UHRF1: variants seen among roughly 807,000 people sequenced by gnomAD.
The protein encoded by UHRF1 is E3 ubiquitin-protein ligase UHRF1.
Under a neutral mutation model 96.5 loss-of-function variants are expected in UHRF1, and 9 were observed. The ratio of observed to expected loss-of-function variants is 0.09; its 90% CI spans 0.06 to 0.16. The LOEUF (loss-of-function observed/expected upper bound fraction) is 0.16, where lower values mean the gene tolerates loss of function less well. Among genes scored for constraint, UHRF1 ranks in the 10% least tolerant of loss-of-function variants. The pLI, the probability that UHRF1 is intolerant of heterozygous loss-of-function variation, is 1.00. For synonymous variants in UHRF1, 455 were observed against 469.9 expected (o/e 0.97, Z 0.41); for missense variants, 626 against 1,131.1 (o/e 0.55, Z 6.40).
intron 5 of UHRF1, among the ~76,000 whole-genome samples, chr19:4,934,645 G>A (rs1032733447): frequency 6.6e-6 from 1 of 152,154 alleles, no homozygotes; most frequent in African/African-American, 2.4e-5. Context: ...CCTCCTTTTT[G>A]TGGCCGAGTG....
chr19:4,909,211 G>C, upstream of UHRF1: 1 of 483,032 alleles, frequency 2.1e-6, no homozygotes, highest in Non-Finnish European at 3.7e-6. Flanking sequence ...AGTTCAGGGG[G>C]TCTGTACCCT....
intron 8 of UHRF1, 41 bp downstream of exon 8, chr19:4,944,296 C>T: frequency 6.2e-7 from 1 of 1,613,956 alleles, no homozygotes; most frequent in Non-Finnish European, 8.5e-7. Context: ...CCCCTCCCCG[C>T]CTGCCAGGGC....
chr19:4,919,026 T>G (rs1480495600), intron 2 of UHRF1, among the ~76,000 whole-genome samples: 2 of 63,622 alleles, frequency 3.1e-5, no homozygotes, highest in Non-Finnish European at 5.9e-5. Context: ...CTGACCTCAT[T>G]TTTTTTTTTT....
Position 4,930,754 on chromosome 19 carries a change from G to T in UHRF1, c.447G>T (p.Gly149=). The change falls in exon 4 of 17, where the codon GGG becomes GGT. Residue 149 remains glycine (G), a synonymous_variant. Transcript: ENST00000650932. The surrounding 1 kb of genome is among the most constrained non-coding windows in gnomAD (Gnocchi z 4.4). ...TCGATGCTCGGGACACGAACATGGG[G>T]GCGTGGTTTGAGGCGCAGGTGGTCA... The part of the protein sequence containing the change: ...EYVDARDTNM[G]AWFEAQVVRV... 2 of 1,613,998 alleles carry T rather than the reference G, an allele frequency of 1.2e-6. No individual in the cohort carries two copies.
intron 16 of UHRF1, among the ~76,000 whole-genome samples, chr19:4,959,466 G>A (rs1204976729): frequency 3.3e-5 from 5 of 152,178 alleles, no homozygotes; most frequent in African/African-American, 1.2e-4. Context: ...TGCCCCCTGC[G>A]TAGGCATCTG....
chr19:4,930,020 G>A lies in UHRF1; in HGVS notation c.408+544G>A. On this transcript the variant is annotated intron_variant, in intron 3 of 16. Coordinates refer to ENST00000650932, the MANE Select transcript of UHRF1 (RefSeq NM_001048201.3). This position sits in a 1 kb window ranked among gnomAD's most constrained non-coding sequence, Gnocchi z 4.4. The stretch of plus-strand genomic sequence containing the variant: ...TACATGGTCTCATTCTGTCGCCCAG[G>A]CTGGAGTACAGTGGTGCCATCTCGG... Among the ~76,000 whole-genome samples the A allele has an allele frequency of 6.6e-6, 1 of 151,780 alleles. No individual in the cohort carries two copies. The highest frequency in any genetic ancestry group is 1.9e-4 in the East Asian group (1 of 5,178).
rs1391224106 is a variant in UHRF1 at position 4,961,730 on chromosome 19, A to C, written c.*927A>C. On this transcript the variant is annotated 3_prime_UTR_variant, in exon 17 of 17. Transcript: ENST00000650932. ...CGTTTGAGCCTTATAGATCATTTACATTCAATTTTTTTAACTCAGCAAGTG... is the reference window on the plus strand; with the variant it reads ...CGTTTGAGCCTTATAGATCATTTACCTTCAATTTTTTTAACTCAGCAAGTG... 2.0e-5 allele frequency: 3 copies of C among 151,510 alleles called. No individual in the cohort carries two copies. Among genetic ancestry groups the C allele is most frequent in the Non-Finnish European group, 4.4e-5 (3 of 67,840 alleles). The allele number at this position is 151,510 out of a possible 1,614,324, so 9.4% of individuals were successfully genotyped here. A position where few individuals can be genotyped will look rare whatever the true frequency, so the allele number is the denominator to read the frequency against.
intron 13 of UHRF1, among the ~76,000 whole-genome samples, chr19:4,953,083 C>A (rs981975011): frequency 6.6e-6 from 1 of 152,182 alleles, no homozygotes; most frequent in Non-Finnish European, 1.5e-5. Context: ...ACGTCACCCG[C>A]GTTCGCTCAC....
chr19:4,930,604 C>T lies in UHRF1; in HGVS notation c.409-112C>T. The T allele has an allele frequency of 3.0e-6, 4 of 1,311,774 alleles. No individual in the cohort carries two copies. The South Asian group carries it at 5.6e-5, about 18-fold the overall frequency. 81.3% of individuals were successfully genotyped at this position (1,311,774 alleles called of 1,614,324 possible). On this transcript the variant is annotated intron_variant, in intron 3 of 16. Transcript: ENST00000650932. This position sits in a 1 kb window ranked among gnomAD's most constrained non-coding sequence, Gnocchi z 4.4. ...CAGGGAGGAGAAACCTCGCTGTGGG[C>T]ATTCGAGTTTGCGCCCTGGTTCCAG...
At chr19:4,956,454 T>C (rs1279674086) in intron 15 of UHRF1, among the ~76,000 whole-genome samples, 17 of 152,232 alleles carry the variant, frequency 1.1e-4, no homozygotes, top group Non-Finnish European at 2.9e-5. Context: ...CCAGCATCAT[T>C]GAGGCTGGCG....
chr19:4,929,908 C>T (rs1907203007), intron 3 of UHRF1, among the ~76,000 whole-genome samples: 14 of 151,980 alleles, frequency 9.2e-5, no homozygotes, highest in Admixed American at 9.2e-4. Context: ...TCAAGTGATC[C>T]TCCCACCTCA....
chr19:4,954,924 TC>T lies in UHRF1; in HGVS notation c.2130+103del. On this transcript the variant is annotated intron_variant, in intron 15 of 16. Transcript: ENST00000650932. This position sits in a 1 kb window ranked among gnomAD's most constrained non-coding sequence, Gnocchi z 5.9. Reference sequence around the variant, plus strand: ...CCCCATTTTCAAGTGTACAGCTCAGTCGCACTGAGTACATTCTTGTGGTTGT... The same window carrying T: ...CCCCATTTTCAAGTGTACAGCTCAGTGCACTGAGTACATTCTTGTGGTTGT... 2 of 1,403,680 alleles carry T rather than the reference TC, an allele frequency of 1.4e-6. No homozygotes were observed. The highest frequency in any genetic ancestry group is 2.0e-6 in the Non-Finnish European group (2 of 1,016,364). The allele number at this position is 1,403,680 out of a possible 1,614,324, so 87.0% of individuals were successfully genotyped here. A position where few individuals can be genotyped will look rare whatever the true frequency, so the allele number is the denominator to read the frequency against.
At position 4,929,422 on chromosome 19, in the gene UHRF1, C is replaced by T. The variant is rs770780037; in HGVS notation, c.354C>T (p.Asp118=). 1.2e-6 allele frequency: 2 copies of T among 1,613,796 alleles called. No individual in the cohort carries two copies. Among genetic ancestry groups the T allele is most frequent in the Non-Finnish European group, 1.7e-6 (2 of 1,179,878 alleles). ...STHGEAAAET[D]SRPADEDMWD... The stretch of plus-strand genomic sequence containing the variant: ...ACGGTGAGGCGGCCGCCGAGACTGA[C>T]AGCAGGCCAGCCGATGAGGACATGT... Residue 118 remains aspartate, a synonymous_variant, in exon 3 of 17, where the codon GAC becomes GAT. Coordinates refer to ENST00000650932, the MANE Select transcript of UHRF1 (RefSeq NM_001048201.3).
Position 4,944,254 on chromosome 19 carries a change from A to C in UHRF1, c.1196A>C (p.Lys399Thr). The change falls in exon 8 of 17, where the codon AAG becomes ACG. Residue 399 changes from lysine to threonine, a missense_variant and splice_region_variant. Coordinates refer to ENST00000650932, the MANE Select transcript of UHRF1 (RefSeq NM_001048201.3). The part of the protein sequence containing the change: ...ATSSSQRDWG[K>T]GMACVGRTKE... ...TCGTCCTCACAGCGGGACTGGGGCA[A>C]GGTGAGGCGGGTCCTTCCCACGTGC... 1 of 1,614,024 alleles carries C rather than the reference A, an allele frequency of 6.2e-7. No individual in the cohort carries two copies. Among genetic ancestry groups the C allele is most frequent in the Non-Finnish European group, 8.5e-7 (1 of 1,179,886 alleles).
rs778427608 is a variant in UHRF1, at chr19:4,954,433, G to A, written c.1902G>A (p.Glu634=). The change falls in exon 14 of 17, where the codon GAG becomes GAA. Residue 634 remains glutamate, a synonymous_variant. Coordinates refer to ENST00000650932, the MANE Select transcript of UHRF1 (RefSeq NM_001048201.3). This position sits in a 1 kb window ranked among gnomAD's most constrained non-coding sequence, Gnocchi z 5.9. ...NSKREEEEQQ[E]GGFASPRTGK... ...AGAGGGAGGAGGAGGAGCAGCAGGA[G>A]GGGGGCTTCGCGTCCCCCAGGACGG... 1.2e-5 allele frequency: 20 copies of A among 1,613,656 alleles called. No homozygotes were observed. Among genetic ancestry groups the A allele is most frequent in the African/African-American group, 2.7e-5 (2 of 74,916 alleles).
In UHRF1 at chr19:4,954,249, G is replaced by A; in HGVS notation, c.1819-101G>A. 3.3e-6 allele frequency: 5 copies of A among 1,520,760 alleles called. No individual in the cohort carries two copies. The South Asian group carries it at 4.9e-5, about 15-fold the overall frequency. 94.2% of individuals were successfully genotyped at this position (1,520,760 alleles called of 1,614,324 possible). On this transcript the variant is annotated intron_variant, in intron 13 of 16. Transcript: ENST00000650932. The surrounding 1 kb of genome is among the most constrained non-coding windows in gnomAD (Gnocchi z 5.9). ...TCTTCAGGGGGATTGGGGGTCAGGT[G>A]TGTCTGGAAACCCAGACCTGGCAAG...
At chr19:4,932,254 G>C (rs1377387019) in intron 4 of UHRF1, among the ~76,000 whole-genome samples, 2 of 151,802 alleles carry the variant, frequency 1.3e-5, no homozygotes, top group Non-Finnish European at 2.9e-5. Flanking sequence ...TTTTAGTAGA[G>C]GCAGGGTTTC....
intron 5 of UHRF1, among the ~76,000 whole-genome samples, chr19:4,937,207 A>G (rs2033243015): frequency 1.3e-5 from 2 of 151,910 alleles, no homozygotes; most frequent in African/African-American, 4.8e-5. Context: ...CCGACTCTCC[A>G]TAATTACAGA....
At chr19:4,918,376 C>T (rs1204718815) in intron 2 of UHRF1, among the ~76,000 whole-genome samples, 2 of 151,874 alleles carry the variant, frequency 1.3e-5, no homozygotes, top group Non-Finnish European at 2.9e-5. Context: ...CCCACCTTGG[C>T]CTCCCAAAAT....
Sources: gnomAD v4.1 joint callset for allele counts (sites outside exome capture counted in the v4.1 genomes callset) on GRCh38, gnomAD v4.1.1 for gene constraint, Gnocchi (gnomAD v3.1) non-coding constraint, MANE v1.5 for transcripts, NCBI Gene and HGNC (gene_info 2026-07-23, HGNC 2026-07-21) for gene names.